PHACTR1: variants seen among roughly 807,000 people sequenced by gnomAD.
PHACTR1 encodes the protein phosphatase and actin regulator 1, also known as RPEL repeat containing 1.
PHACTR1 carries 16 observed loss-of-function variants against 69.2 expected under a neutral mutation model. That is an observed-to-expected ratio of 0.23 (90% CI 0.16 to 0.35). The LOEUF is 0.35. PHACTR1 is among the 10% of genes least tolerant of loss of function. PHACTR1 has a pLI of 1.00. For missense variants in PHACTR1, 510 were observed against 734.7 expected, an observed-to-expected ratio of 0.69 and a Z score of 3.54; for synonymous variants, 312 against 284.5, an observed-to-expected ratio of 1.10 and a Z score of -0.97.
In PHACTR1 at chr6:12,933,926, G is replaced by A. The variant is rs149924949; in HGVS notation, c.251-119439G>A. On this transcript the variant is annotated intron_variant, in intron 4 of 14. Coordinates refer to ENST00000332995, the MANE Select transcript of PHACTR1 (RefSeq NM_030948.6). ...TTACTCTTTGGTCCATATGGGAAGG[G>A]AAAATGCGGGTTGGCGTGTGTATTC... 2,504 of 1,607,950 alleles carry A rather than the reference G, an allele frequency of 1.6e-3. 28 individuals are homozygous for A. In the East Asian group the frequency reaches 0.016, roughly 10 times the overall value.
chr6:12,808,769 TCTC>T (rs1235448896), intron 4 of PHACTR1, among the ~76,000 whole-genome samples: 4 of 59,802 alleles, frequency 6.7e-5, no homozygotes, highest in Non-Finnish European at 1.4e-4. Flanking sequence ...TTCTTCTTCT[TCTC>T]CTTCTCCTTC....
Position 13,283,610 on chromosome 6 carries a change from G to A in PHACTR1, c.1650+48G>A. 4 of 1,612,912 alleles carry A rather than the reference G, an allele frequency of 2.5e-6. No homozygotes were observed. Among genetic ancestry groups the A allele is most frequent in the Non-Finnish European group, 3.4e-6 (4 of 1,179,770 alleles). Reference sequence around the variant, plus strand: ...GAGTGGGAGGCAGGACCGTCTGCTGGGTCTCGCTGGGCTCACCGCTGGGGA... The same window carrying A: ...GAGTGGGAGGCAGGACCGTCTGCTGAGTCTCGCTGGGCTCACCGCTGGGGA... On this transcript the variant is annotated intron_variant, in intron 13 of 14. Coordinates refer to ENST00000332995, the MANE Select transcript of PHACTR1 (RefSeq NM_030948.6). This position sits in a 1 kb window ranked among gnomAD's most constrained non-coding sequence, Gnocchi z 4.7.
rs1363013826 is a variant in PHACTR1, at chr6:13,245,221, A to G, written c.1391+15028A>G. On this transcript the variant is annotated intron_variant, in intron 10 of 14. Transcript: ENST00000332995. The surrounding 1 kb of genome is among the most constrained non-coding windows in gnomAD (Gnocchi z 4.1). Reference sequence around the variant, plus strand: ...ACCCAGTAACGGGATTGCAAGGTCGACGGGTAATTCTGTTTTAAGTTCTTT... The same window carrying G: ...ACCCAGTAACGGGATTGCAAGGTCGGCGGGTAATTCTGTTTTAAGTTCTTT... Among the ~76,000 whole-genome samples, 7 of 152,226 alleles carry G rather than the reference A, an allele frequency of 4.6e-5. No individual in the cohort carries two copies. Among genetic ancestry groups the G allele is most frequent in the Non-Finnish European group, 8.8e-5 (6 of 68,044 alleles).
intron 5 of PHACTR1, among the ~76,000 whole-genome samples, chr6:13,107,462 C>A (rs1348050874): frequency 6.6e-6 from 1 of 152,062 alleles, no homozygotes; most frequent in African/African-American, 2.4e-5. Context: ...ATTATTTATT[C>A]TTTAATGTAG....
intron 5 of PHACTR1, among the ~76,000 whole-genome samples, chr6:13,155,716 C>G (rs549947244): frequency 1.6e-4 from 24 of 152,076 alleles, no homozygotes; most frequent in Admixed American, 3.3e-4. Context: ...GGTGAAACCC[C>G]GTCTCTACTA....
At chr6:12,975,843 C>T (rs1475219441) in intron 4 of PHACTR1, among the ~76,000 whole-genome samples, 1 of 152,170 alleles carries the variant, frequency 6.6e-6, no homozygotes, top group East Asian at 1.9e-4. Flanking sequence ...CCTCAGCCTC[C>T]CAAAGTGCTG....
At chr6:13,068,238 A>G (rs546467959) in intron 5 of PHACTR1, among the ~76,000 whole-genome samples, 1 of 152,182 alleles carries the variant, frequency 6.6e-6, no homozygotes, top group Admixed American at 6.5e-5. Flanking sequence ...AATTGCTTGA[A>G]CCTGGGGGAC....
chr6:13,029,126 C>G (rs537091917), intron 4 of PHACTR1, among the ~76,000 whole-genome samples: 1 of 152,234 alleles, frequency 6.6e-6, no homozygotes, highest in African/African-American at 2.4e-5. Context: ...CTCAGTTGAA[C>G]TAGATAGTAT....
rs75526900 is a variant in PHACTR1, at chr6:12,828,932, T to C, written c.250+79142T>C. On this transcript the variant is annotated intron_variant, in intron 4 of 14. Transcript: ENST00000332995. ...TAGAGTGAATATAGCAAACAATTTA[T>C]TGTATATGTTCAAAAATCTAGAAGA... Among the ~76,000 whole-genome samples the C allele has an allele frequency of 7.0e-3, 1,066 of 152,256 alleles. 17 individuals carry two copies. Among genetic ancestry groups the C allele is most frequent in the African/African-American group, 0.024 (1,015 of 41,544 alleles).
At chr6:13,166,228 T>C (rs1252939728) in intron 6 of PHACTR1, among the ~76,000 whole-genome samples, 2 of 152,262 alleles carry the variant, frequency 1.3e-5, no homozygotes, top group Admixed American at 6.5e-5. Context: ...TTAAAATTGC[T>C]GCCGCCTTCT....
intron 5 of PHACTR1, among the ~76,000 whole-genome samples, chr6:13,061,682 A>G (rs751324438): frequency 3.1e-4 from 47 of 152,140 alleles, no homozygotes; most frequent in Non-Finnish European, 5.0e-4. Context: ...TAACAACTAT[A>G]TATCTTATTT....
intron 1 of PHACTR1, among the ~76,000 whole-genome samples, chr6:12,717,171 G>A (rs976534737): frequency 6.6e-6 from 1 of 151,990 alleles, no homozygotes; most frequent in African/African-American, 2.4e-5. Flanking sequence ...AGCTAAAATG[G>A]CCTTTCCCTA....
intron 4 of PHACTR1, among the ~76,000 whole-genome samples, chr6:12,946,418 C>T (rs1790678290): frequency 1.3e-5 from 2 of 152,066 alleles, no homozygotes; most frequent in South Asian, 4.1e-4. Context: ...AAAAACAAAG[C>T]TCCGAGATAT....
chr6:12,809,248 C>T (rs1414338414), intron 4 of PHACTR1, among the ~76,000 whole-genome samples: 1 of 152,126 alleles, frequency 6.6e-6, no homozygotes. Context: ...AAAGTTATTG[C>T]TTTGGTAATA....
At chr6:13,218,167 G>T (rs1767966316) in intron 8 of PHACTR1, among the ~76,000 whole-genome samples, 1 of 152,094 alleles carries the variant, frequency 6.6e-6, no homozygotes, top group Non-Finnish European at 1.5e-5. Flanking sequence ...TGGTGAAATG[G>T]ATCCCACCTA....
At chr6:13,119,052 A>G (rs1818253413) in intron 5 of PHACTR1, among the ~76,000 whole-genome samples, 1 of 152,176 alleles carries the variant, frequency 6.6e-6, no homozygotes, top group Admixed American at 6.5e-5. Flanking sequence ...GGGCTTACGA[A>G]AAACCTCCTC....
At chr6:12,972,054 C>G (rs1794279196) in intron 4 of PHACTR1, among the ~76,000 whole-genome samples, 1 of 152,214 alleles carries the variant, frequency 6.6e-6, no homozygotes. Context: ...TTAAACTTCA[C>G]AACAACCTAC....
rs1012068508 is a variant in PHACTR1 at position 12,792,389 on chromosome 6, G to A, written c.250+42599G>A. Among the ~76,000 whole-genome samples, 7 of 144,586 alleles carry A rather than the reference G, an allele frequency of 4.8e-5. No homozygotes were observed. The East Asian group carries it at 6.3e-4, about 13-fold the overall frequency. 94.9% of individuals were successfully genotyped at this position (144,586 alleles called of 152,430 possible). A position where few individuals can be genotyped will look rare whatever the true frequency, so the allele number is the denominator to read the frequency against. ...TGAGACAGGAGAATCACTTGAACCC[G>A]GGAGGCGGAGGTTGCAGTGAGCGGA... On this transcript the variant is annotated intron_variant, in intron 4 of 14. Coordinates refer to ENST00000332995, the MANE Select transcript of PHACTR1 (RefSeq NM_030948.6).
intron 5 of PHACTR1, among the ~76,000 whole-genome samples, chr6:13,118,471 A>ATTTTTT (rs140486749): frequency 4.1e-5 from 3 of 72,812 alleles, no homozygotes; most frequent in African/African-American, 5.2e-5. Flanking sequence ...AACCAGGGCC[A>ATTTTTT]TTTTTTTTTT....
Sources: allele counts gnomAD v4.1 joint callset (sites outside exome capture counted in the v4.1 genomes callset), GRCh38; gene constraint gnomAD v4.1.1; non-coding constraint Gnocchi (gnomAD v3.1); transcripts MANE v1.5; gene names NCBI Gene and HGNC (gene_info 2026-07-23, HGNC 2026-07-21).